The following PTPRK variants were observed in gnomAD, a reference collection of about 807,000 sequenced individuals.
PTPRK encodes receptor-type tyrosine-protein phosphatase kappa.
In PTPRK, 75 loss-of-function variants were observed where a neutral mutation model predicts 178.0. That is an observed-to-expected ratio of 0.42 (90% CI 0.35 to 0.51). The LOEUF (loss-of-function observed/expected upper bound fraction) is 0.51, where lower values mean the gene tolerates loss of function less well. Ranked by LOEUF, PTPRK falls within the 20% of genes least tolerant of loss-of-function variation. PTPRK has a pLI of 0.02. For missense variants in PTPRK, 1,441 were observed against 1,797.8 expected, an observed-to-expected ratio of 0.80 and a Z score of 3.59; for synonymous variants, 637 against 620.6, an observed-to-expected ratio of 1.03 and a Z score of -0.39.
At chr6:128,163,795 T>C (rs1252942785) in intron 7 of PTPRK, among the ~76,000 whole-genome samples, 6 of 151,502 alleles carry the variant, frequency 4.0e-5, no homozygotes, top group African/African-American at 1.4e-4. Flanking sequence ...TTCCAAGCTA[T>C]CTGAAACATC....
chr6:128,297,331 A>G (rs1200644717), intron 3 of PTPRK, among the ~76,000 whole-genome samples: 1 of 152,198 alleles, frequency 6.6e-6, no homozygotes, highest in Non-Finnish European at 1.5e-5. Context: ...CGGAAAGTTA[A>G]CAAGGATACC....
At chr6:128,375,742 T>A (rs1310102582) in intron 2 of PTPRK, among the ~76,000 whole-genome samples, 1 of 152,088 alleles carries the variant, frequency 6.6e-6, no homozygotes, top group Non-Finnish European at 1.5e-5. Flanking sequence ...GCCTGTAAAA[T>A]CAAAAGCAAG....
At chr6:128,051,595 G>A (rs1481889781) in intron 13 of PTPRK, among the ~76,000 whole-genome samples, 3 of 152,048 alleles carry the variant, frequency 2.0e-5, no homozygotes, top group African/African-American at 7.2e-5. Flanking sequence ...TTGTGACAAG[G>A]CACTCCACTG....
chr6:128,354,231 GTTTTTTT>G (rs756148554), intron 2 of PTPRK, among the ~76,000 whole-genome samples: 31 of 49,368 alleles, frequency 6.3e-4, no homozygotes, highest in Admixed American at 4.4e-3. Flanking sequence ...TTTTGTTTAT[GTTTTTTT>G]TTTTTTTTTT....
chr6:128,443,543 A>G (rs904598577), intron 1 of PTPRK, among the ~76,000 whole-genome samples: 1 of 152,230 alleles, frequency 6.6e-6, no homozygotes, highest in African/African-American at 2.4e-5. Context: ...AAGTATAGTC[A>G]TCCAAGTGGC....
chr6:128,034,717 T>A (rs1046027728), intron 13 of PTPRK, among the ~76,000 whole-genome samples: 6 of 152,186 alleles, frequency 3.9e-5, no homozygotes, highest in Admixed American at 2.6e-4. Context: ...TGGTTTGTTT[T>A]GTTGTTAATT....
At chr6:128,488,065 G>A (rs866502070) in intron 1 of PTPRK, among the ~76,000 whole-genome samples, 2 of 152,148 alleles carry the variant, frequency 1.3e-5, no homozygotes, top group Admixed American at 6.5e-5. Context: ...GCCAGTCCAA[G>A]TCCCAAAACC....
rs1036704299 is a variant in PTPRK, at chr6:128,228,126, A to G, written c.694-9030T>C. On this transcript the variant is annotated intron_variant, in intron 5 of 29. Transcript: ENST00000368226. ...AGAACTTAAAGTCTAATTAAAAAAA[A>G]AAAGAAAGAAAGAAATAGAGAGGGA... Among the ~76,000 whole-genome samples the G allele has an allele frequency of 7.2e-5, 11 of 152,052 alleles. No homozygotes were observed. In the East Asian group the frequency reaches 7.7e-4, roughly 11 times the overall value.
intron 15 of PTPRK, 134 bp downstream of exon 15, chr6:128,004,950 C>T: frequency 1.3e-5 from 9 of 707,906 alleles, no homozygotes; most frequent in South Asian, 4.6e-5. Context: ...TAATATTCTC[C>T]ATCTCTTTCT....
intron 1 of PTPRK, among the ~76,000 whole-genome samples, chr6:128,501,991 A>G (rs1019413251): frequency 6.6e-6 from 1 of 152,338 alleles, no homozygotes; most frequent in South Asian, 2.1e-4. Context: ...TTTTACAGAC[A>G]TGTTGATTCT....
intron 7 of PTPRK, among the ~76,000 whole-genome samples, chr6:128,136,867 C>T (rs566624643): frequency 1.1e-4 from 16 of 152,268 alleles, no homozygotes; most frequent in African/African-American, 3.6e-4. Flanking sequence ...GGCTAGTCCA[C>T]GTACATGGTT....
chr6:128,360,286 A>G (rs1022439994), intron 2 of PTPRK, among the ~76,000 whole-genome samples: 6 of 152,316 alleles, frequency 3.9e-5, no homozygotes, highest in Admixed American at 3.3e-4. Flanking sequence ...AGGCCAGAGT[A>G]CTAAAACCTT....
In PTPRK at chr6:128,005,765, A is replaced by G. The variant is rs541473485; in HGVS notation, c.2334-521T>C. Among the ~76,000 whole-genome samples, 20 of 148,164 alleles carry G rather than the reference A, an allele frequency of 1.3e-4. 1 individual carries two copies. In the South Asian group the frequency reaches 2.2e-3, roughly 16 times the overall value. ...TAAGGTACAGGTTTAACTTTAGTAAATAAATTATGTTTTTGGCTCTAGACT... is the reference window on the plus strand; with the variant it reads ...TAAGGTACAGGTTTAACTTTAGTAAGTAAATTATGTTTTTGGCTCTAGACT... On this transcript the variant is annotated intron_variant, in intron 14 of 29. Coordinates refer to ENST00000368226, the MANE Select transcript of PTPRK (RefSeq NM_002844.4).
intron 3 of PTPRK, among the ~76,000 whole-genome samples, chr6:128,307,152 GA>G (rs199552590): frequency 6.5e-4 from 77 of 117,706 alleles, no homozygotes; most frequent in Admixed American, 2.9e-3. Context: ...GAGCTCAGAA[GA>G]AAAAAAAATA....
intron 5 of PTPRK, among the ~76,000 whole-genome samples, chr6:128,225,443 C>A (rs1449571362): frequency 6.6e-6 from 1 of 152,122 alleles, no homozygotes; most frequent in Non-Finnish European, 1.5e-5. Context: ...TTACAACATT[C>A]CAGCCAAATT....
intron 6 of PTPRK, among the ~76,000 whole-genome samples, chr6:128,206,748 G>A (rs905880149): frequency 3.3e-5 from 5 of 151,992 alleles, no homozygotes; most frequent in Non-Finnish European, 5.9e-5. Context: ...AATTATAATT[G>A]CTGTGACTAT....
chr6:127,980,668 T>C (rs1562375526), intron 25 of PTPRK, among the ~76,000 whole-genome samples: 2 of 152,328 alleles, frequency 1.3e-5, no homozygotes, highest in South Asian at 2.1e-4. Context: ...TAATAGTCCT[T>C]ATTGATTAAT....
At chr6:127,981,640 A>C (rs1362656222) in intron 24 of PTPRK, among the ~76,000 whole-genome samples, 3 of 152,134 alleles carry the variant, frequency 2.0e-5, no homozygotes, top group Non-Finnish European at 4.4e-5. Context: ...ATTTGTAGTA[A>C]CATCTGGGCT....
At chr6:127,981,876 G>A (rs894861161) in intron 24 of PTPRK, among the ~76,000 whole-genome samples, 13 of 152,146 alleles carry the variant, frequency 8.5e-5, no homozygotes, top group African/African-American at 3.1e-4. Flanking sequence ...TGCCCAGGTT[G>A]GAGTGCAGTG....
Sources: gnomAD v4.1 joint callset for allele counts (sites outside exome capture counted in the v4.1 genomes callset) on GRCh38, gnomAD v4.1.1 for gene constraint, MANE v1.5 for transcripts, NCBI Gene and HGNC (gene_info 2026-07-23, HGNC 2026-07-21) for gene names.